Variants in TFPI observed in about 807,000 individuals in gnomAD.
TFPI encodes the protein tissue factor pathway inhibitor, also known as anti-convertin.
In TFPI, 15 loss-of-function variants were observed where a neutral mutation model predicts 34.6. That is an observed-to-expected ratio of 0.43 (90% confidence interval 0.29 to 0.67). The LOEUF (loss-of-function observed/expected upper bound fraction) is 0.67. Among genes scored for constraint, TFPI ranks in the 30% least tolerant of loss-of-function variants. TFPI has a pLI of 0.15. For missense variants in TFPI, 301 were observed against 364.0 expected, an observed-to-expected ratio of 0.83 and a Z score of 1.41; for synonymous variants, 105 against 120.1, an observed-to-expected ratio of 0.87 and a Z score of 0.82.
At position 187,467,776 on chromosome 2, in the gene TFPI, T is replaced by A. The variant is rs1234918150; in HGVS notation, c.785A>T (p.Glu262Val). Residue 262 changes from glutamate to valine, a missense_variant, in exon 7 of 8, where the codon GAA (glutamate) becomes GTA (valine). Transcript: ENST00000233156. Reference protein sequence around the residue: ...GNENNFTSKQECLRACKKGFI... With the variant: ...GNENNFTSKQVCLRACKKGFI... ...ACCTTTTTTACATGCCCTCAGACAT[T>A]CTTGTTTGGAAGTAAAATTGTTTTC... 1 of 1,610,508 alleles carries A rather than the reference T, an allele frequency of 6.2e-7. No homozygotes were observed. Among genetic ancestry groups the A allele is most frequent in the African/African-American group, 1.3e-5 (1 of 74,820 alleles).
At chr2:187,518,204 G>A (rs1386616438) in intron 1 of TFPI, 6 of 152,174 alleles carry the variant, frequency 3.9e-5, no homozygotes, top group Non-Finnish European at 8.8e-5. Context: ...TGGTTATCTT[G>A]ACTTTTAGTT....
intron 1 of TFPI, among the ~76,000 whole-genome samples, chr2:187,546,542 TA>T (rs1260190932): frequency 2.6e-5 from 4 of 151,418 alleles, no homozygotes; most frequent in African/African-American, 4.9e-5. Flanking sequence ...GGAAATGGAA[TA>T]AAAAACGAAT....
At chr2:187,500,661 A>C in intron 2 of TFPI, among the ~76,000 whole-genome samples, 1 of 152,252 alleles carries the variant, frequency 6.6e-6, no homozygotes, top group East Asian at 1.9e-4. Context: ...TTATTAGGTG[A>C]TTATTTGTCT....
intron 3 of TFPI, among the ~76,000 whole-genome samples, chr2:187,493,455 G>C (rs1233722249): frequency 6.6e-6 from 1 of 152,124 alleles, no homozygotes; most frequent in Non-Finnish European, 1.5e-5. Context: ...ACATGCCCTA[G>C]AGATATTTTC....
intron 1 of TFPI, among the ~76,000 whole-genome samples, chr2:187,551,393 G>A (rs1013683181): frequency 3.3e-5 from 5 of 152,096 alleles, no homozygotes; most frequent in African/African-American, 1.2e-4. Flanking sequence ...CAGTGGATTT[G>A]ACATGGGCCC....
At chr2:187,512,954 C>G (rs1415713405) in intron 1 of TFPI, among the ~76,000 whole-genome samples, 1 of 151,954 alleles carries the variant, frequency 6.6e-6, no homozygotes, top group Non-Finnish European at 1.5e-5. Context: ...AGAATTTATG[C>G]AAGAAATGTT....
intron 6 of TFPI, 133 bp from the exon 7 acceptor site, chr2:187,468,065 T>A: frequency 1.4e-6 from 1 of 692,856 alleles, no homozygotes; most frequent in Non-Finnish European, 2.1e-6. Flanking sequence ...GGGTATTTAA[T>A]AAAATTCGTG....
At position 187,488,365 on chromosome 2, in the gene TFPI, G is replaced by T; in HGVS notation, c.330C>A (p.Asn110Lys). The T allele has an allele frequency of 6.4e-7, 1 of 1,558,456 alleles. No individual in the cohort carries two copies. Among genetic ancestry groups the T allele is most frequent in the South Asian group, 1.3e-5 (1 of 79,776 alleles). ...GTTGCAATGTTGTCTTTATAATCCTGTTTGCATTATCTGTAATCAAAAGAA... is the reference window on the plus strand; with the variant it reads ...GTTGCAATGTTGTCTTTATAATCCTTTTTGCATTATCTGTAATCAAAAGAA... ...CKKMCTRDNA[N>K]RIIKTTLQQE... Residue 110 changes from asparagine to lysine, a missense_variant, in exon 4 of 8, where the codon AAC becomes AAA. Coordinates refer to ENST00000233156, the MANE Select transcript of TFPI (RefSeq NM_006287.6).
intron 1 of TFPI, among the ~76,000 whole-genome samples, chr2:187,524,508 C>G (rs994778311): frequency 3.3e-5 from 5 of 151,994 alleles, no homozygotes; most frequent in South Asian, 2.1e-4. Context: ...ATTCACAACT[C>G]TGTGTTCAAT....
intron 2 of TFPI, 143 bp downstream of exon 2, chr2:187,503,505 A>C: frequency 3.4e-6 from 3 of 893,078 alleles, no homozygotes; most frequent in Non-Finnish European, 5.0e-6. Context: ...ACACACATAC[A>C]TTAGGTATAA....
chr2:187,520,571 G>A (rs1328789533), intron 1 of TFPI: 2 of 152,182 alleles, frequency 1.3e-5, no homozygotes, highest in Non-Finnish European at 2.9e-5. Flanking sequence ...GGGAGCTGTA[G>A]ACTGGAGCTC....
chr2:187,481,843 G>A (rs755837838), intron 6 of TFPI, among the ~76,000 whole-genome samples: 1 of 151,914 alleles, frequency 6.6e-6, no homozygotes, highest in African/African-American at 2.4e-5. Flanking sequence ...TTCCTTAAAT[G>A]TCTATTATTC....
intron 1 of TFPI, among the ~76,000 whole-genome samples, chr2:187,526,013 A>G (rs756753192): frequency 1.5e-4 from 23 of 152,152 alleles, no homozygotes; most frequent in Non-Finnish European, 1.5e-5. Flanking sequence ...AACCTACTAC[A>G]TAGTATTATG....
At chr2:187,522,832 A>T (rs1004479698) in intron 1 of TFPI, among the ~76,000 whole-genome samples, 2 of 151,246 alleles carry the variant, frequency 1.3e-5, no homozygotes, top group Non-Finnish European at 2.9e-5. Flanking sequence ...TAGAGATTGC[A>T]GTGAGCCGAG....
chr2:187,489,392 G>C (rs1231552838), intron 3 of TFPI, among the ~76,000 whole-genome samples: 2 of 151,256 alleles, frequency 1.3e-5, no homozygotes, highest in African/African-American at 4.8e-5. Flanking sequence ...AGGTGTGTGT[G>C]TGTGTGTATA....
At chr2:187,553,097 G>A (rs1025920068) in intron 1 of TFPI, among the ~76,000 whole-genome samples, 1 of 152,004 alleles carries the variant, frequency 6.6e-6, no homozygotes, top group African/African-American at 2.4e-5. Flanking sequence ...GCACTAGAAT[G>A]ATAGATTTAA....
intron 2 of TFPI, chr2:187,499,358 G>C (rs1024955527): frequency 6.6e-6 from 1 of 152,008 alleles, no homozygotes; most frequent in Admixed American, 6.6e-5. Context: ...ATCGAAAAAT[G>C]TATGAACCAA....
chr2:187,497,321 G>C (rs1574428282), intron 2 of TFPI, among the ~76,000 whole-genome samples: 1 of 151,972 alleles, frequency 6.6e-6, no homozygotes, highest in Non-Finnish European at 1.5e-5. Flanking sequence ...AACTGGGAGG[G>C]AATTGAGTAG....
At chr2:187,508,727 C>G (rs960690827) in intron 1 of TFPI, among the ~76,000 whole-genome samples, 3 of 152,154 alleles carry the variant, frequency 2.0e-5, no homozygotes, top group African/African-American at 7.2e-5. Flanking sequence ...AATATAAAAT[C>G]ATGTCATCTG....
Sources: allele counts gnomAD v4.1 joint callset (sites outside exome capture counted in the v4.1 genomes callset), GRCh38; gene constraint gnomAD v4.1.1; transcripts MANE v1.5; gene names NCBI Gene and HGNC (gene_info 2026-07-23, HGNC 2026-07-21).